The following RBFOX3 variants were observed in gnomAD, a reference collection of about 807,000 sequenced individuals.
RBFOX3 encodes RNA binding fox-1 homolog 3, also known as RNA binding protein fox-1 homolog 3.
In RBFOX3, 17 loss-of-function variants were observed where a neutral mutation model predicts 48.7. The observed-to-expected ratio is 0.35, with a 90% CI of 0.24 to 0.52. The LOEUF is 0.52. Ranked by LOEUF, RBFOX3 falls within the 20% of genes least tolerant of loss-of-function variation. The probability of loss-of-function intolerance (pLI) is 0.94; values close to 1 mark genes in which losing one functional copy is unlikely to be tolerated. For missense variants in RBFOX3, 382 were observed against 497.5 expected (o/e 0.77, Z 2.21); for synonymous variants, 212 against 209.5 (o/e 1.01, Z -0.10).
intron 4 of RBFOX3, among the ~76,000 whole-genome samples, chr17:79,227,388 G>A (rs1481332783): frequency 6.6e-6 from 1 of 152,238 alleles, no homozygotes; most frequent in African/African-American, 2.4e-5. Flanking sequence ...ATGGATGTCA[G>A]AAATCCAGCC....
chr17:79,498,385 C>T (rs1415573930), intron 1 of RBFOX3, among the ~76,000 whole-genome samples: 1 of 151,988 alleles, frequency 6.6e-6, no homozygotes, highest in Non-Finnish European at 1.5e-5. Flanking sequence ...ATCCATCCAC[C>T]CATCTACATA....
intron 2 of RBFOX3, among the ~76,000 whole-genome samples, chr17:79,433,963 C>T (rs1234052196): frequency 3.4e-4 from 52 of 152,166 alleles, no homozygotes; most frequent in African/African-American, 8.9e-4. Context: ...ATTGAACTCA[C>T]GGCTAACAGC....
At chr17:79,620,999 CTTTTT>C in the RBFOX3 span, among the ~76,000 whole-genome samples, 98 of 135,874 alleles carry the variant, frequency 7.2e-4, 1 homozygote, top group African/African-American at 2.1e-3. Flanking sequence ...AATCCAACTT[CTTTTT>C]TTTTTTTTTT....
intron 3 of RBFOX3, among the ~76,000 whole-genome samples, chr17:79,272,380 C>T (rs1055411082): frequency 6.6e-6 from 1 of 152,210 alleles, no homozygotes; most frequent in African/African-American, 2.4e-5. Flanking sequence ...ATGCAGGTGG[C>T]AACACACTGG....
At chr17:79,171,423 G>C (rs912358918) in intron 4 of RBFOX3, among the ~76,000 whole-genome samples, 2 of 152,174 alleles carry the variant, frequency 1.3e-5, no homozygotes, top group Non-Finnish European at 2.9e-5. Flanking sequence ...TGGCCATATG[G>C]TCTCTGCTGC....
chr17:79,615,391 T>TCTAG (rs1311567394), upstream of RBFOX3, among the ~76,000 whole-genome samples: 7 of 151,634 alleles, frequency 4.6e-5, no homozygotes, highest in Admixed American at 4.6e-4. Flanking sequence ...AAACAGAGGA[T>TCTAG]CTAGTAAGCG....
chr17:79,094,164 A>G, intron 14 of RBFOX3: 1 of 413,644 alleles, frequency 2.4e-6, no homozygotes, highest in East Asian at 3.6e-5. Flanking sequence ...ACGGGACTTT[A>G]TTATAGTGAG....
the RBFOX3 span, among the ~76,000 whole-genome samples, chr17:79,632,447 A>G: frequency 6.6e-6 from 1 of 152,000 alleles, no homozygotes; most frequent in Non-Finnish European, 1.5e-5. Flanking sequence ...AAGTGATGGA[A>G]AATCACAGTT....
chr17:79,138,682 A>C (rs1400474479), intron 4 of RBFOX3, among the ~76,000 whole-genome samples: 10 of 54,554 alleles, frequency 1.8e-4, no homozygotes, highest in Admixed American at 3.7e-4. Flanking sequence ...ACCCTCACCC[A>C]TACACATGGA....
intron 2 of RBFOX3, among the ~76,000 whole-genome samples, chr17:79,411,162 G>A (rs571757392): frequency 5.9e-5 from 9 of 152,304 alleles, no homozygotes; most frequent in Non-Finnish European, 7.4e-5. Context: ...ATGCTGTCAC[G>A]TAACCGGATC....
At chr17:79,474,162 G>T (rs1455077802) in intron 2 of RBFOX3, among the ~76,000 whole-genome samples, 4 of 152,222 alleles carry the variant, frequency 2.6e-5, no homozygotes, top group African/African-American at 9.6e-5. Flanking sequence ...ACATCGAGGG[G>T]CCTCAGCCCC....
rs183034889 is a variant in RBFOX3 at position 79,462,844 on chromosome 17, C to T, written c.-175+19610G>A. 1.1e-3 allele frequency among the ~76,000 whole-genome samples: 167 copies of T among 152,318 alleles called. 2 individuals are homozygous for T. The highest frequency in any genetic ancestry group is 8.2e-3 in the Admixed American group (126 of 15,310). ...AAGCTCACACAGAGCGTCTCCAGCC[C>T]AGACACAGCGGTTATCTGACATTTA... On this transcript the variant is annotated intron_variant, in intron 2 of 14. Transcript: ENST00000693108.
chr17:79,437,355 A>C (rs1479139757), intron 2 of RBFOX3, among the ~76,000 whole-genome samples: 1 of 152,138 alleles, frequency 6.6e-6, no homozygotes, highest in Non-Finnish European at 1.5e-5. Context: ...CTCCTCCTGG[A>C]GCTCCTCCAG....
intron 4 of RBFOX3, among the ~76,000 whole-genome samples, chr17:79,160,641 G>A (rs2046781168): frequency 6.6e-6 from 1 of 152,066 alleles, no homozygotes. Context: ...AGCAGGACTT[G>A]GGATTCCCCC....
chr17:79,535,426 T>C lies in RBFOX3; in HGVS notation c.-319-52828A>G, dbSNP rs1219786200. ...CTCTCCAGCAAAGCTCATTCCTACCTGTCCTCCGGAGAGTGTCACAAGGGG... is the reference window on the plus strand; with the variant it reads ...CTCTCCAGCAAAGCTCATTCCTACCCGTCCTCCGGAGAGTGTCACAAGGGG... On this transcript the variant is annotated intron_variant, in intron 1 of 14. Transcript: ENST00000693108. This position sits in a 1 kb window ranked among gnomAD's most constrained non-coding sequence, Gnocchi z 4.5. Among the ~76,000 whole-genome samples the C allele has an allele frequency of 2.0e-5, 3 of 152,118 alleles. No individual in the cohort carries two copies. Among genetic ancestry groups the C allele is most frequent in the African/African-American group, 4.8e-5 (2 of 41,424 alleles).
intron 2 of RBFOX3, among the ~76,000 whole-genome samples, chr17:79,336,217 T>C (rs902563497): frequency 1.5e-4 from 23 of 151,622 alleles, no homozygotes; most frequent in African/African-American, 5.3e-4. Flanking sequence ...CGAAAACCCA[T>C]CTCTACTAAA....
At chr17:79,499,539 G>T (rs923480994) in intron 1 of RBFOX3, among the ~76,000 whole-genome samples, 1 of 152,330 alleles carries the variant, frequency 6.6e-6, no homozygotes, top group African/African-American at 2.4e-5. Flanking sequence ...ACAGGGGCAG[G>T]GTTTGGAGGT....
At chr17:79,092,504 A>G (rs2074131015) in intron 14 of RBFOX3, 2 of 986,128 alleles carry the variant, frequency 2.0e-6, no homozygotes, top group Non-Finnish European at 2.4e-6. Context: ...GGAGGGGTGC[A>G]CTGTCTTCTG....
intron 1 of RBFOX3, among the ~76,000 whole-genome samples, chr17:79,567,266 CT>C (rs2092498164): frequency 6.7e-6 from 1 of 148,588 alleles, no homozygotes; most frequent in South Asian, 2.2e-4. Flanking sequence ...TCACTGCAAC[CT>C]CCAGCTCCCA....
Sources: gnomAD v4.1 joint callset for allele counts (sites outside exome capture counted in the v4.1 genomes callset) on GRCh38, gnomAD v4.1.1 for gene constraint, Gnocchi (gnomAD v3.1) non-coding constraint, MANE v1.5 for transcripts, NCBI Gene and HGNC (gene_info 2026-07-23, HGNC 2026-07-21) for gene names.